The following LRP1B variants were observed in gnomAD, a reference collection of about 807,000 sequenced individuals.
LRP1B encodes the protein LDL receptor related protein 1B.
Under a neutral mutation model 556.6 loss-of-function variants are expected in LRP1B, and 217 were observed. The ratio of observed to expected loss-of-function variants is 0.39; its 90% confidence interval spans 0.35 to 0.44. The LOEUF (loss-of-function observed/expected upper bound fraction) is 0.44. Ranked by LOEUF, LRP1B falls within the 20% of genes least tolerant of loss-of-function variation. LRP1B has a pLI of 1.00. For synonymous variants in LRP1B, 2,047 were observed against 1,865.8 expected (o/e 1.10, Z -2.50); for missense variants, 5,053 against 5,620.8 (o/e 0.90, Z 3.23).
At chr2:141,423,524 T>G (rs779983126) in intron 3 of LRP1B, among the ~76,000 whole-genome samples, 1 of 152,044 alleles carries the variant, frequency 6.6e-6, no homozygotes. Context: ...TATTCTAGCT[T>G]GTCTTTTCCA....
chr2:141,267,411 C>G (rs1016728185), intron 3 of LRP1B, among the ~76,000 whole-genome samples: 2 of 152,004 alleles, frequency 1.3e-5, no homozygotes, highest in African/African-American at 2.4e-5. Context: ...ATTTCTAGAG[C>G]ATCTCATAAA....
At chr2:140,793,527 C>T (rs1690195144) in intron 32 of LRP1B, among the ~76,000 whole-genome samples, 2 of 151,876 alleles carry the variant, frequency 1.3e-5, no homozygotes, top group Admixed American at 1.3e-4. Flanking sequence ...GTAAAATTTA[C>T]TGACTAGAAA....
intron 25 of LRP1B, among the ~76,000 whole-genome samples, chr2:140,872,922 T>C (rs1457195576): frequency 6.6e-6 from 1 of 152,142 alleles, no homozygotes; most frequent in East Asian, 1.9e-4. Flanking sequence ...TATGTATTTA[T>C]GTGCATGTAC....
Position 140,639,313 on chromosome 2 carries a change from T to C in LRP1B, c.6800-37674A>G, listed in dbSNP as rs146046663. 3.4e-3 allele frequency among the ~76,000 whole-genome samples: 517 copies of C among 152,368 alleles called. 4 individuals carry two copies. The highest frequency in any genetic ancestry group is 0.014 in the Middle Eastern group (4 of 294). Reference sequence around the variant, plus strand: ...ACTAATCATCTTTCATCTTGAATTTTTTTGACCATTGTTGAACATTCTTGA... The same window carrying C: ...ACTAATCATCTTTCATCTTGAATTTCTTTGACCATTGTTGAACATTCTTGA... On this transcript the variant is annotated intron_variant, in intron 41 of 90. Transcript: ENST00000389484.
In LRP1B at chr2:140,323,928, C is replaced by T. The variant is rs1345161557; in HGVS notation, c.12479G>A (p.Gly4160Asp). ...TTTATAACGATGAGATATCAAAACA[C>T]CTTTTGTTTTATCAATATTTAAAGC... The part of the protein sequence containing the change: ...YLALNIDKTK[G>D]VLISHRYKQL... Residue 4160 changes from glycine to aspartate, a missense_variant, in exon 81 of 91, where the codon GGT becomes GAT. By Grantham distance (94) the Gly-to-Asp change is moderately conservative. Around this residue, in one of 5 missense-constraint regions of LRP1B, gnomAD observed 551 missense variants for 592.0 expected, o/e 0.93. Coordinates refer to ENST00000389484, the MANE Select transcript of LRP1B (RefSeq NM_018557.3). 1.9e-6 allele frequency: 3 copies of T among 1,579,118 alleles called. No homozygotes were observed. Among genetic ancestry groups the T allele is most frequent in the Non-Finnish European group, 2.6e-6 (3 of 1,149,800 alleles).
chr2:141,218,527 C>A (rs2105269851), intron 6 of LRP1B, among the ~76,000 whole-genome samples: 1 of 152,264 alleles, frequency 6.6e-6, no homozygotes, highest in East Asian at 1.9e-4. Context: ...TGAGTTACTT[C>A]AGAAACAGAA....
Position 141,830,690 on chromosome 2 carries a change from A to C in LRP1B, c.83-20289T>G, listed in dbSNP as rs773064699. On this transcript the variant is annotated intron_variant, in intron 1 of 90. Coordinates refer to ENST00000389484, the MANE Select transcript of LRP1B (RefSeq NM_018557.3). Reference sequence around the variant, plus strand: ...GTGATTCATTAGTTTAAATAAGGAAAAAAAATGTAAACTCAGTGGATTTTT... The same window carrying C: ...GTGATTCATTAGTTTAAATAAGGAACAAAAATGTAAACTCAGTGGATTTTT... 2.0e-4 allele frequency among the ~76,000 whole-genome samples: 30 copies of C among 151,988 alleles called. 1 individual carries two copies. The highest frequency in any genetic ancestry group is 3.4e-3 in the Middle Eastern group (1 of 294).
intron 1 of LRP1B, among the ~76,000 whole-genome samples, chr2:142,000,802 G>A (rs1397812363): frequency 5.3e-5 from 8 of 152,144 alleles, no homozygotes; most frequent in African/African-American, 1.9e-4. Flanking sequence ...GGCAGAAAAA[G>A]TGTCAAGAGC....
chr2:141,181,140 G>T (rs1320797956), intron 7 of LRP1B, among the ~76,000 whole-genome samples: 1 of 151,914 alleles, frequency 6.6e-6, no homozygotes, highest in Non-Finnish European at 1.5e-5. Context: ...AGATATGAGA[G>T]AATGTCTGAT....
rs554931297 is a variant in LRP1B at position 141,852,167 on chromosome 2, G to A, written c.83-41766C>T. Among the ~76,000 whole-genome samples, 12 of 151,772 alleles carry A rather than the reference G, an allele frequency of 7.9e-5. No individual in the cohort carries two copies. The South Asian group carries it at 2.5e-3, about 31-fold the overall frequency. On this transcript the variant is annotated intron_variant, in intron 1 of 90. Transcript: ENST00000389484. ...ACGGTATGGTCAGTTGCAGTGATTT[G>A]CACTGAATTCATCTTTAAAATCTAA...
intron 60 of LRP1B, among the ~76,000 whole-genome samples, chr2:140,461,150 C>A (rs188944093): frequency 7.5e-4 from 114 of 151,716 alleles, no homozygotes; most frequent in African/African-American, 2.3e-3. Context: ...TGTTGCCTCA[C>A]AGCTTGAATA....
Position 140,908,160 on chromosome 2 carries a change from C to T in LRP1B, c.3320-83G>A. The T allele has an allele frequency of 3.8e-6, 4 of 1,057,304 alleles. No individual in the cohort carries two copies. The South Asian group carries it at 5.6e-5, about 15-fold the overall frequency. 65.5% of individuals were successfully genotyped at this position (1,057,304 alleles called of 1,614,324 possible). A position where few individuals can be genotyped will look rare whatever the true frequency, so the allele number is the denominator to read the frequency against. On this transcript the variant is annotated intron_variant, in intron 21 of 90. Coordinates refer to ENST00000389484, the MANE Select transcript of LRP1B (RefSeq NM_018557.3). ...GAGTGGCCATTATTGTCTTCAGTCA[C>T]AGGCAGAATTACTTGTCTTTAGCAA...
At chr2:140,465,035 G>C (rs2105334054) in intron 60 of LRP1B, among the ~76,000 whole-genome samples, 1 of 152,284 alleles carries the variant, frequency 6.6e-6, no homozygotes, top group South Asian at 2.1e-4. Context: ...ATAAAGAAAA[G>C]AGGCTTAATT....
intron 86 of LRP1B, among the ~76,000 whole-genome samples, chr2:140,265,100 CA>C (rs36121516): frequency 0.071 from 10,665 of 150,858 alleles, 770 homozygotes; most frequent in African/African-American, 0.18. Context: ...TGTAAGTTTA[CA>C]AAAAAAACCC....
chr2:140,691,240 G>A (rs911912150), intron 41 of LRP1B, among the ~76,000 whole-genome samples: 1 of 152,114 alleles, frequency 6.6e-6, no homozygotes, highest in Non-Finnish European at 1.5e-5. Flanking sequence ...GGGAGGCCAA[G>A]GCGAGTGGAT....
At chr2:141,507,707 AT>A (rs1368835223) in intron 2 of LRP1B, among the ~76,000 whole-genome samples, 2 of 152,090 alleles carry the variant, frequency 1.3e-5, no homozygotes, top group African/African-American at 4.8e-5. Flanking sequence ...CTTTAAAAAA[AT>A]ATTATATAGT....
At chr2:141,458,920 C>T (rs931320669) in intron 3 of LRP1B, among the ~76,000 whole-genome samples, 2 of 152,050 alleles carry the variant, frequency 1.3e-5, no homozygotes, top group African/African-American at 4.8e-5. Flanking sequence ...ACTTATTTCC[C>T]ATTTTTATGC....
intron 1 of LRP1B, among the ~76,000 whole-genome samples, chr2:142,081,243 A>G (rs1705702788): frequency 6.6e-6 from 1 of 152,226 alleles, no homozygotes; most frequent in African/African-American, 2.4e-5. Context: ...GAAAACCTCA[A>G]GATGGAGGAA....
At chr2:140,313,881 T>C (rs1684409753) in intron 83 of LRP1B, among the ~76,000 whole-genome samples, 1 of 151,936 alleles carries the variant, frequency 6.6e-6, no homozygotes, top group East Asian at 1.9e-4. Flanking sequence ...CTCCTGATTT[T>C]TTCAGAATGC....
Sources: gnomAD v4.1 joint callset for allele counts (sites outside exome capture counted in the v4.1 genomes callset) on GRCh38, gnomAD v4.1.1 for gene constraint, gnomAD v4.1.1 regional missense constraint, MANE v1.5 for transcripts, NCBI Gene and HGNC (gene_info 2026-07-23, HGNC 2026-07-21) for gene names.